Variants in KIR3DL2 observed in about 807,000 individuals in gnomAD.
The protein encoded by KIR3DL2 is killer cell immunoglobulin-like receptor 3DL2.
Under a neutral mutation model 41.6 loss-of-function variants are expected in KIR3DL2, and 42 were observed. The observed-to-expected ratio is 1.01, with a 90% CI of 0.79 to 1.31. The LOEUF is 1.31. KIR3DL2 is among the 50% of genes most tolerant of loss of function. The pLI, the probability that KIR3DL2 is intolerant of heterozygous loss-of-function variation, is 0.00. For missense variants in KIR3DL2, 728 were observed against 576.8 expected, an observed-to-expected ratio of 1.26 and a Z score of -2.68; for synonymous variants, 230 against 221.3, an observed-to-expected ratio of 1.04 and a Z score of -0.35.
rs533558523 is a variant in KIR3DL2, at chr19:54,851,238, G to T, written c.53G>T (p.Gly18Val). ...MACVGFFLLQ[G>V]AWPLMGGQDK... ...TTTCCAGGGTTCTTCTTGCTGCAGG[G>T]GGCCTGGCCACTCATGGGTGAGTCC... The change falls in exon 2 of 9, where the codon GGG becomes GTG. Residue 18 changes from glycine (G) to valine (V), a missense_variant. Gly to Val is a moderately radical substitution (Grantham distance 109). Transcript: ENST00000326321. 15 of 1,610,120 alleles carry T rather than the reference G, an allele frequency of 9.3e-6. No individual in the cohort carries two copies. In the East Asian group the frequency reaches 2.9e-4, roughly 31 times the overall value.
intron 7 of KIR3DL2, 47 bp from the exon 8 acceptor site, chr19:54,866,323 C>T: frequency 6.2e-7 from 1 of 1,608,312 alleles, no homozygotes. Flanking sequence ...GAAATGAGGA[C>T]CCAGAAGGGC....
intron 7 of KIR3DL2, 133 bp downstream of exon 7, chr19:54,866,042 T>A: frequency 1.2e-6 from 1 of 857,678 alleles, no homozygotes; most frequent in Non-Finnish European, 1.8e-6. Flanking sequence ...CAGGGCTTTC[T>A]AGAGAGAGCA....
intron 4 of KIR3DL2, among the ~76,000 whole-genome samples, chr19:54,854,936 C>T (rs1315772576): frequency 1.3e-5 from 2 of 150,882 alleles, no homozygotes; most frequent in Non-Finnish European, 2.9e-5. Flanking sequence ...TGGAGAGAGA[C>T]AGATGATAGA....
Position 54,852,129 on chromosome 19 carries a change from G to A in KIR3DL2, c.202G>A (p.Val68Ile), listed in dbSNP as rs752357103. The change falls in exon 3 of 9, where the codon GTT becomes ATT. Residue 68 changes from valine (V) to isoleucine (I), a missense_variant. Transcript: ENST00000326321. ...GCTGTACAAAGAAGACAGAAGCCAC[G>A]TTCCCATCTTCCACGGCAGAATATT... ...FMLYKEDRSH[V>I]PIFHGRIFQE... 217 of 1,612,980 alleles carry A rather than the reference G, an allele frequency of 1.3e-4. 8 individuals carry two copies. In the African/African-American group the frequency reaches 2.1e-3, roughly 16 times the overall value.
At chr19:54,856,249 T>C (rs370194719) in intron 5 of KIR3DL2, among the ~76,000 whole-genome samples, 5,498 of 151,554 alleles carry the variant, frequency 0.036, 464 homozygotes, top group African/African-American at 0.13. Flanking sequence ...TCCTGGCCTC[T>C]CACCCACACA....
chr19:54,852,768 G>T (rs34354985), intron 3 of KIR3DL2, among the ~76,000 whole-genome samples: 24,577 of 148,884 alleles, frequency 0.17, 2,688 homozygotes, highest in African/African-American at 0.27. Flanking sequence ...GATTTGCTGA[G>T]TCTCCAGAGG....
In KIR3DL2 at chr19:54,855,888, G is replaced by C. The variant is rs761655644; in HGVS notation, c.925G>C (p.Asp309His). ...ALPCVWSNSS[D>H]PLLVSVTGNP... Reference sequence around the variant, plus strand: ...GCCCTGCGTGTGGTCAAACTCAAGTGACCCACTGCTTGTTTCTGTCACAGG... The same window carrying C: ...GCCCTGCGTGTGGTCAAACTCAAGTCACCCACTGCTTGTTTCTGTCACAGG... Residue 309 changes from aspartate (D) to histidine (H), a missense_variant, in exon 5 of 9, where the codon GAC becomes CAC. Asp to His is a moderately conservative substitution (Grantham distance 81). Coordinates refer to ENST00000326321, the MANE Select transcript of KIR3DL2 (RefSeq NM_006737.4). The C allele has an allele frequency of 1.9e-6, 3 of 1,613,554 alleles. No individual in the cohort carries two copies. Among genetic ancestry groups the C allele is most frequent in the South Asian group, 2.2e-5 (2 of 91,072 alleles).
At chr19:54,853,699 G>A in intron 3 of KIR3DL2, 48 bp from the exon 4 acceptor site, 2 of 1,585,126 alleles carry the variant, frequency 1.3e-6, no homozygotes, top group Non-Finnish European at 8.6e-7. Flanking sequence ...TGCCATGGAT[G>A]GGATGATAAA....
intron 5 of KIR3DL2, among the ~76,000 whole-genome samples, chr19:54,857,231 A>G (rs2064854765): frequency 6.6e-6 from 1 of 151,396 alleles, no homozygotes; most frequent in South Asian, 2.1e-4. Flanking sequence ...CTGTGATTAC[A>G]GGTGCACGCC....
chr19:54,852,798 C>G (rs1191981694), intron 3 of KIR3DL2, among the ~76,000 whole-genome samples: 1 of 150,568 alleles, frequency 6.6e-6, no homozygotes, highest in Non-Finnish European at 1.5e-5. Context: ...CCTGCAGATG[C>G]CTTGATTTCA....
chr19:54,859,352 A>G (rs1444880975), intron 6 of KIR3DL2, among the ~76,000 whole-genome samples: 4 of 152,074 alleles, frequency 2.6e-5, no homozygotes, highest in Non-Finnish European at 4.4e-5. Flanking sequence ...CCTACAAGCT[A>G]GAAGAATAAT....
chr19:54,853,657 C>T, intron 3 of KIR3DL2, 90 bp from the exon 4 acceptor site: 1 of 1,458,422 alleles, frequency 6.9e-7, no homozygotes, highest in Non-Finnish European at 9.5e-7. Context: ...GAGAGACAGA[C>T]CTCTGGGAGG....
intron 5 of KIR3DL2, 23 bp from the exon 6 acceptor site, chr19:54,859,056 A>G (rs1601792267): frequency 6.2e-7 from 1 of 1,613,094 alleles, no homozygotes; most frequent in Non-Finnish European, 8.5e-7. Flanking sequence ...ATTTCCTCAC[A>G]TCTCTCCTGT....
At chr19:54,857,591 G>A (rs376067959) in intron 5 of KIR3DL2, among the ~76,000 whole-genome samples, 3 of 151,012 alleles carry the variant, frequency 2.0e-5, no homozygotes, top group East Asian at 2.0e-4. Context: ...ACTCATAGTC[G>A]CCCAGGCTGG....
rs2065259366 is a variant in KIR3DL2 at position 54,862,726 on chromosome 19, T to A, written c.1001-3079T>A. 2.0e-5 allele frequency among the ~76,000 whole-genome samples: 3 copies of A among 151,178 alleles called. No homozygotes were observed. The South Asian group carries it at 6.3e-4, about 32-fold the overall frequency. On this transcript the variant is annotated intron_variant, in intron 6 of 8. Transcript: ENST00000326321. ...AGACAGCACAGGCTGTTCTGAGACGTTCCTCCTGATCTCAGGACGTTGCTG... is the reference window on the plus strand; with the variant it reads ...AGACAGCACAGGCTGTTCTGAGACGATCCTCCTGATCTCAGGACGTTGCTG...
At chr19:54,865,178 T>G in intron 6 of KIR3DL2, among the ~76,000 whole-genome samples, 1 of 152,076 alleles carries the variant, frequency 6.6e-6, no homozygotes, top group South Asian at 2.1e-4. Context: ...TTGCATATAT[T>G]GAACCAGCCT....
At chr19:54,866,465 C>A (rs546167124) in intron 8 of KIR3DL2, 43 bp downstream of exon 8, 1 of 1,613,980 alleles carries the variant, frequency 6.2e-7, no homozygotes, top group Admixed American at 1.7e-5. Context: ...AGTCTTATCC[C>A]TAATAGTCCT....
At chr19:54,855,110 A>C (rs2145607904) in intron 4 of KIR3DL2, among the ~76,000 whole-genome samples, 1 of 151,438 alleles carries the variant, frequency 6.6e-6, no homozygotes, top group Non-Finnish European at 1.5e-5. Flanking sequence ...TAGATGATAC[A>C]TAGAGACTGA....
At chr19:54,856,502 G>A (rs2064791336) in intron 5 of KIR3DL2, among the ~76,000 whole-genome samples, 2 of 151,676 alleles carry the variant, frequency 1.3e-5, no homozygotes, top group South Asian at 4.2e-4. Flanking sequence ...CCAACATGCG[G>A]GAAATTCATC....
Sources: allele counts gnomAD v4.1 joint callset (sites outside exome capture counted in the v4.1 genomes callset), GRCh38; gene constraint gnomAD v4.1.1; transcripts MANE v1.5; gene names NCBI Gene and HGNC (gene_info 2026-07-23, HGNC 2026-07-21).